BBX: variants seen among roughly 807,000 people sequenced by gnomAD.
BBX encodes HMG box transcription factor BBX.
BBX carries 30 observed loss-of-function variants against 100.2 expected under a neutral mutation model. The observed-to-expected ratio is 0.30, with a 90% CI of 0.22 to 0.41. The LOEUF (loss-of-function observed/expected upper bound fraction) is 0.41, where lower values mean the gene tolerates loss of function less well. Ranked by LOEUF, BBX falls within the 10% of genes least tolerant of loss-of-function variation. The probability of loss-of-function intolerance (pLI) is 1.00; values close to 1 mark genes in which losing one functional copy is unlikely to be tolerated. For synonymous variants in BBX, 376 were observed against 388.1 expected, an observed-to-expected ratio of 0.97 and a Z score of 0.37; for missense variants, 1,023 against 1,129.8, an observed-to-expected ratio of 0.91 and a Z score of 1.35.
At chr3:107,581,947 C>A (rs924549791) in intron 2 of BBX, among the ~76,000 whole-genome samples, 1 of 151,940 alleles carries the variant, frequency 6.6e-6, no homozygotes, top group Non-Finnish European at 1.5e-5. Flanking sequence ...TCTGTAGTGG[C>A]ATATTTGTAA....
intron 2 of BBX, among the ~76,000 whole-genome samples, chr3:107,605,508 A>C (rs1040026297): frequency 6.6e-6 from 1 of 152,142 alleles, no homozygotes. Flanking sequence ...TAAAGTCAAC[A>C]TTCCTAAGGT....
At chr3:107,701,176 T>C (rs1041400201) in intron 3 of BBX, among the ~76,000 whole-genome samples, 1 of 152,202 alleles carries the variant, frequency 6.6e-6, no homozygotes, top group Admixed American at 6.5e-5. Context: ...TTGATTTGCA[T>C]TTCTCTGATG....
At chr3:107,777,642 C>T (rs2067434577) in intron 12 of BBX, among the ~76,000 whole-genome samples, 1 of 152,140 alleles carries the variant, frequency 6.6e-6, no homozygotes, top group South Asian at 2.1e-4. Flanking sequence ...CAGTCAGCAC[C>T]AGCCCAGAGA....
intron 7 of BBX, among the ~76,000 whole-genome samples, chr3:107,743,217 C>G (rs1221825041): frequency 3.3e-5 from 5 of 152,020 alleles, no homozygotes; most frequent in Non-Finnish European, 7.4e-5. Flanking sequence ...ACCAAATAAT[C>G]TAGGAGCCAA....
intron 3 of BBX, among the ~76,000 whole-genome samples, chr3:107,649,133 T>A (rs1387492331): frequency 1.3e-5 from 2 of 152,160 alleles, no homozygotes; most frequent in Non-Finnish European, 2.9e-5. Context: ...TATAAAACCA[T>A]CTGATCTCTT....
intron 7 of BBX, among the ~76,000 whole-genome samples, chr3:107,738,828 A>G (rs2063851973): frequency 6.6e-6 from 1 of 152,182 alleles, no homozygotes; most frequent in Admixed American, 6.5e-5. Flanking sequence ...GACATTGAGT[A>G]TCTCATTCTC....
chr3:107,532,203 A>AT (rs2048208374), intron 2 of BBX, among the ~76,000 whole-genome samples: 1 of 151,926 alleles, frequency 6.6e-6, no homozygotes, highest in African/African-American at 2.4e-5. Context: ...CAAAAAAAAA[A>AT]CCAAAACAAA....
At chr3:107,552,978 A>G (rs969432807) in intron 2 of BBX, among the ~76,000 whole-genome samples, 30 of 152,204 alleles carry the variant, frequency 2.0e-4, no homozygotes, top group Non-Finnish European at 3.5e-4. Flanking sequence ...TTTAAATGCT[A>G]TACGTCTTTT....
chr3:107,682,118 T>C (rs2059601998), intron 3 of BBX, among the ~76,000 whole-genome samples: 1 of 152,164 alleles, frequency 6.6e-6, no homozygotes. Context: ...CTCTTTTTAA[T>C]AGCAGATGTA....
At chr3:107,561,207 G>A (rs1322765820) in intron 2 of BBX, among the ~76,000 whole-genome samples, 1 of 152,192 alleles carries the variant, frequency 6.6e-6, no homozygotes, top group East Asian at 1.9e-4. Context: ...ATAAGATGTA[G>A]AATAAATGAA....
intron 5 of BBX, among the ~76,000 whole-genome samples, chr3:107,724,181 A>T (rs1222500716): frequency 6.6e-6 from 1 of 152,034 alleles, no homozygotes; most frequent in Non-Finnish European, 1.5e-5. Context: ...GCATTTTTTC[A>T]TGTGTCTGTT....
chr3:107,573,674 T>C (rs1001213548), intron 2 of BBX, among the ~76,000 whole-genome samples: 8 of 152,254 alleles, frequency 5.3e-5, no homozygotes, highest in Non-Finnish European at 1.0e-4. Flanking sequence ...TTTCAGTACA[T>C]TTTAAAGGAA....
rs541995812 is a variant in BBX, at chr3:107,617,610, G to GT, written c.-83-28223dup. On this transcript the variant is annotated intron_variant, in intron 2 of 17. Transcript: ENST00000325805. ...CCTGGACATGTTTTGTTGGATTCAT[G>GT]TTTAACTATTTTTTATTTCAGCTAT... Among the ~76,000 whole-genome samples the GT allele has an allele frequency of 5.3e-5, 8 of 152,086 alleles. No individual in the cohort carries two copies. The East Asian group carries it at 1.2e-3, about 22-fold the overall frequency.
chr3:107,676,951 T>C (rs1310065589), intron 3 of BBX, among the ~76,000 whole-genome samples: 1 of 152,176 alleles, frequency 6.6e-6, no homozygotes, highest in East Asian at 1.9e-4. Context: ...TGAAGCATTC[T>C]TGACTAGAGG....
chr3:107,733,344 C>T (rs553418330), intron 7 of BBX, among the ~76,000 whole-genome samples: 10 of 152,054 alleles, frequency 6.6e-5, no homozygotes, highest in East Asian at 1.9e-4. Context: ...TTCATTTATT[C>T]GAAACATTCT....
intron 3 of BBX, among the ~76,000 whole-genome samples, chr3:107,708,269 C>T (rs1219092452): frequency 1.3e-5 from 2 of 152,222 alleles, no homozygotes; most frequent in Admixed American, 6.5e-5. Flanking sequence ...GAGTCAGCCA[C>T]ACAAGTCATG....
At chr3:107,538,878 G>A (rs972462503) in intron 2 of BBX, among the ~76,000 whole-genome samples, 3 of 151,858 alleles carry the variant, frequency 2.0e-5, no homozygotes, top group Admixed American at 6.6e-5. Context: ...TCAAACTCCT[G>A]AGCTCAAGTG....
At chr3:107,703,697 C>T (rs1310795346) in intron 3 of BBX, among the ~76,000 whole-genome samples, 1 of 152,106 alleles carries the variant, frequency 6.6e-6, no homozygotes, top group Non-Finnish European at 1.5e-5. Context: ...TGAATTGCTT[C>T]TAAAATGAGA....
intron 2 of BBX, among the ~76,000 whole-genome samples, chr3:107,573,757 G>A (rs1402727823): frequency 6.6e-6 from 1 of 151,744 alleles, no homozygotes; most frequent in Admixed American, 6.6e-5. Context: ...GTAAGGTTTC[G>A]CTCTTGTTGC....
Sources: allele counts gnomAD v4.1 joint callset (sites outside exome capture counted in the v4.1 genomes callset), GRCh38; gene constraint gnomAD v4.1.1; transcripts MANE v1.5; gene names NCBI Gene and HGNC (gene_info 2026-07-23, HGNC 2026-07-21).